The following CYP26A1 variants were observed in gnomAD, a reference collection of about 807,000 sequenced individuals.
CYP26A1 encodes the protein cytochrome P450 family 26 subfamily A member 1, also known as cytochrome P450 26A1.
In CYP26A1, 46 loss-of-function variants were observed where a neutral mutation model predicts 47.4. The ratio of observed to expected loss-of-function variants is 0.97; its 90% confidence interval spans 0.77 to 1.24. CYP26A1 has a LOEUF of 1.24. Among genes scored for constraint, CYP26A1 ranks in the 50% most tolerant of loss-of-function variants. CYP26A1 has a pLI of 0.00. For missense variants in CYP26A1, 680 were observed against 644.4 expected (o/e 1.06, Z -0.60); for synonymous variants, 277 against 263.7 (o/e 1.05, Z -0.49).
chr10:93,074,169 G>A lies in CYP26A1; in HGVS notation c.189+46G>A. On this transcript the variant is annotated intron_variant, in intron 1 of 6. Transcript: ENST00000224356. This position sits in a 1 kb window ranked among gnomAD's most constrained non-coding sequence, Gnocchi z 5.3. ...ACAGGCTGCTTCCCCGGAGCCCGGC[G>A]CGGCTCTGGGCTTCTGCTGAAGTCG... 6.6e-7 allele frequency: 1 copy of A among 1,520,174 alleles called. No individual in the cohort carries two copies. The highest frequency in any genetic ancestry group is 2.5e-5 in the East Asian group (1 of 40,554). The allele number at this position is 1,520,174 out of a possible 1,614,324, so 94.2% of individuals were successfully genotyped here. A position where few individuals can be genotyped will look rare whatever the true frequency, so the allele number is the denominator to read the frequency against.
At position 93,074,909 on chromosome 10, in the gene CYP26A1, A is replaced by G. The variant is rs1285678560; in HGVS notation, c.545A>G (p.Lys182Arg). ...GGCCTCCTGGTCTACCCCGAGGTGA[A>G]GCGCCTCATGTTCCGAATCGCCATG... is the stretch of plus-strand genomic sequence containing the variant. ...ERGLLVYPEV[K>R]RLMFRIAMRI... The change falls in exon 3 of 7, where the codon AAG becomes AGG. Residue 182 changes from lysine (K) to arginine (R), a missense_variant. Lys to Arg is a conservative substitution (Grantham distance 26). Coordinates refer to ENST00000224356, the MANE Select transcript of CYP26A1 (RefSeq NM_000783.4). The surrounding 1 kb of genome is among the most constrained non-coding windows in gnomAD (Gnocchi z 5.3). The G allele has an allele frequency of 1.2e-6, 2 of 1,613,066 alleles. No individual in the cohort carries two copies. The highest frequency in any genetic ancestry group is 1.7e-6 in the Non-Finnish European group (2 of 1,180,040).
chr10:93,076,262 G>A (rs1846975964), intron 5 of CYP26A1: 1 of 450,164 alleles, frequency 2.2e-6, no homozygotes, highest in African/African-American at 2.0e-5. Context: ...GGCATACATA[G>A]TGTGAATAGC....
rs754691610 is a variant in CYP26A1, at chr10:93,075,825, G to A, written c.865-1G>A. On this transcript the variant is annotated splice_acceptor_variant, in intron 4 of 6. Transcript: ENST00000224356. LOFTEE classifies it high-confidence loss of function. Reference sequence around the variant, plus strand: ...GAATGTGGGTCTCACTCTATTCTTAGGCACTAAAGCAATCTTCAACCGAAC... The same window carrying A: ...GAATGTGGGTCTCACTCTATTCTTAAGCACTAAAGCAATCTTCAACCGAAC... The A allele has an allele frequency of 1.2e-6, 2 of 1,611,132 alleles. No homozygotes were observed. The highest frequency in any genetic ancestry group is 2.2e-5 in the East Asian group (1 of 44,858).
chr10:93,075,768 A>G (rs1052706055), intron 4 of CYP26A1, 58 bp from the exon 5 acceptor site: 6 of 1,376,592 alleles, frequency 4.4e-6, no homozygotes, highest in South Asian at 1.2e-5. Context: ...ATTCTGAGTA[A>G]TCCTTCTGTC....
chr10:93,075,315 G>C lies in CYP26A1; in HGVS notation c.864+8G>C, dbSNP rs75053982. ...GAGCGGCTGGACATGCAGGTGAGTAGCAGCTTCAGACCAGGCACTGCGGAG... is the reference window on the plus strand; with the variant it reads ...GAGCGGCTGGACATGCAGGTGAGTACCAGCTTCAGACCAGGCACTGCGGAG... On this transcript the variant is annotated splice_region_variant and intron_variant, in intron 4 of 6. Coordinates refer to ENST00000224356, the MANE Select transcript of CYP26A1 (RefSeq NM_000783.4). 2.0e-5 allele frequency: 33 copies of C among 1,612,596 alleles called. No individual in the cohort carries two copies. The highest frequency in any genetic ancestry group is 2.7e-5 in the Non-Finnish European group (32 of 1,179,116).
upstream of CYP26A1, chr10:93,073,608 TC>T: frequency 2.9e-6 from 1 of 350,310 alleles, no homozygotes; most frequent in South Asian, 5.2e-5. Flanking sequence ...GTCCTGGCCC[TC>T]CCCCACCGCC....
In CYP26A1 at chr10:93,074,871, C is replaced by T; in HGVS notation, c.507C>T (p.Ser169=). The T allele has an allele frequency of 2.5e-6, 4 of 1,612,866 alleles. No homozygotes were observed. The South Asian group carries it at 3.3e-5, about 13-fold the overall frequency. Residue 169 remains serine (S), a synonymous_variant, in exon 3 of 7, where the codon AGC becomes AGT. Transcript: ENST00000224356. The surrounding 1 kb of genome is among the most constrained non-coding windows in gnomAD (Gnocchi z 5.3). ...EVGSSLEQWL[S]CGERGLLVYP... Reference sequence around the variant, plus strand: ...GCAGCAGCCTGGAGCAGTGGCTGAGCTGCGGCGAGCGCGGCCTCCTGGTCT... The same window carrying T: ...GCAGCAGCCTGGAGCAGTGGCTGAGTTGCGGCGAGCGCGGCCTCCTGGTCT...
In CYP26A1 at chr10:93,074,510, C is replaced by G. The variant is rs1417482730; in HGVS notation, c.392C>G (p.Ser131Cys). 6.2e-7 allele frequency: 1 copy of G among 1,606,690 alleles called. No individual in the cohort carries two copies. The highest frequency in any genetic ancestry group is 1.1e-5 in the South Asian group (1 of 90,946). ...GGCTGCCTCTCTAACCTGCACGACT[C>G]CTCGCACAAGCAGCGCAAGAAGGTG... ...GSGCLSNLHD[S>C]SHKQRKKVIM... Residue 131 changes from serine to cysteine, a missense_variant, in exon 2 of 7, where the codon TCC becomes TGC. Physicochemically the swap from Ser to Cys is moderately radical, Grantham distance 112. Transcript: ENST00000224356. This position sits in a 1 kb window ranked among gnomAD's most constrained non-coding sequence, Gnocchi z 5.3.
Position 93,075,024 on chromosome 10 carries a change from T to C in CYP26A1, c.660T>C (p.Asn220=). The C allele has an allele frequency of 6.2e-7, 1 of 1,613,050 alleles. No homozygotes were observed. Among genetic ancestry groups the C allele is most frequent in the Non-Finnish European group, 8.5e-7 (1 of 1,180,008 alleles). The change falls in exon 3 of 7, where the codon AAT becomes AAC. Residue 220 remains asparagine, a synonymous_variant. Transcript: ENST00000224356. ...AGGCCTTCGAGGAAATGACCCGCAA[T>C]CTCTTCTCGCTGCCCATCGACGTGC... is the stretch of plus-strand genomic sequence containing the variant. The part of the protein sequence containing the change: ...LVEAFEEMTR[N]LFSLPIDVPF...
rs1846994871 is a variant in CYP26A1 at position 93,077,651 on chromosome 10, A to G, written c.*347A>G. The G allele has an allele frequency of 6.2e-6, 1 of 160,056 alleles. No individual in the cohort carries two copies. Among genetic ancestry groups the G allele is most frequent in the African/African-American group, 2.4e-5 (1 of 41,758 alleles). The allele number at this position is 160,056 out of a possible 1,614,324, so 9.9% of individuals were successfully genotyped here. On this transcript the variant is annotated 3_prime_UTR_variant, in exon 7 of 7. Transcript: ENST00000224356. ...GAAATCTTAGCTGTTTTTTATGTTA[A>G]CAGTTATTAGAAAATATATGTCTGT...
chr10:93,074,127 A>T lies in CYP26A1; in HGVS notation c.189+4A>T, dbSNP rs1233040392. The T allele has an allele frequency of 3.7e-5, 16 of 428,436 alleles. No homozygotes were observed. Among genetic ancestry groups the T allele is most frequent in the Non-Finnish European group, 7.1e-5 (16 of 224,294 alleles). 26.5% of individuals were successfully genotyped at this position (428,436 alleles called of 1,614,324 possible). A position where few individuals can be genotyped will look rare whatever the true frequency, so the allele number is the denominator to read the frequency against. The stretch of plus-strand genomic sequence containing the variant: ...AACCTTGCAGATGGTACTGCAGGTA[A>T]GGGAGGGTGGGGCGGGACAGGCTGC... On this transcript the variant is annotated splice_donor_region_variant and intron_variant, in intron 1 of 6. Coordinates refer to ENST00000224356, the MANE Select transcript of CYP26A1 (RefSeq NM_000783.4). The surrounding 1 kb of genome is among the most constrained non-coding windows in gnomAD (Gnocchi z 5.3).
Position 93,074,576 on chromosome 10 carries a change from T to A in CYP26A1, c.414+44T>A. ...GGCTGGACAGGGAGGGGGACCCCAT[T>A]TATGAGCGGAATTCCGGCTGATGGA... is the stretch of plus-strand genomic sequence containing the variant. On this transcript the variant is annotated intron_variant, in intron 2 of 6. Transcript: ENST00000224356. The surrounding 1 kb of genome is among the most constrained non-coding windows in gnomAD (Gnocchi z 5.3). The A allele has an allele frequency of 7.7e-7, 1 of 1,304,838 alleles. No homozygotes were observed. The highest frequency in any genetic ancestry group is 1.2e-5 in the South Asian group (1 of 84,914). 80.8% of individuals were successfully genotyped at this position (1,304,838 alleles called of 1,614,324 possible).
intron 4 of CYP26A1, 75 bp downstream of exon 4, chr10:93,075,382 A>C (rs1284050348): frequency 1.4e-6 from 2 of 1,422,278 alleles, no homozygotes; most frequent in Admixed American, 3.9e-5. Flanking sequence ...TGGGGCCCCC[A>C]AAGCGCGCGC....
Position 93,074,156 on chromosome 10 carries a change from C to T in CYP26A1, c.189+33C>T. The T allele has an allele frequency of 6.5e-7, 1 of 1,526,852 alleles. No homozygotes were observed. 94.6% of individuals were successfully genotyped at this position (1,526,852 alleles called of 1,614,324 possible). A position where few individuals can be genotyped will look rare whatever the true frequency, so the allele number is the denominator to read the frequency against. ...AGGGTGGGGCGGGACAGGCTGCTTC[C>T]CCGGAGCCCGGCGCGGCTCTGGGCT... On this transcript the variant is annotated intron_variant, in intron 1 of 6. Transcript: ENST00000224356. The surrounding 1 kb of genome is among the most constrained non-coding windows in gnomAD (Gnocchi z 5.3).
intron 5 of CYP26A1, chr10:93,076,255 A>C (rs1227812801): frequency 8.4e-6 from 3 of 358,188 alleles, no homozygotes; most frequent in Non-Finnish European, 1.5e-5. Flanking sequence ...GTCCAAGGGC[A>C]TACATAGTGT....
Position 93,077,374 on chromosome 10 carries a change from A to T in CYP26A1, c.*70A>T. 1 of 703,604 alleles carries T rather than the reference A, an allele frequency of 1.4e-6. No homozygotes were observed. Among genetic ancestry groups the T allele is most frequent in the Non-Finnish European group, 2.1e-6 (1 of 467,348 alleles). 43.6% of individuals were successfully genotyped at this position (703,604 alleles called of 1,614,324 possible). On this transcript the variant is annotated 3_prime_UTR_variant, in exon 7 of 7. Coordinates refer to ENST00000224356, the MANE Select transcript of CYP26A1 (RefSeq NM_000783.4). ...TGAGTTTTTAAGGAGTGTTGTGTTGACTTTATATTTAATTTCTAAATGTAT... is the reference window on the plus strand; with the variant it reads ...TGAGTTTTTAAGGAGTGTTGTGTTGTCTTTATATTTAATTTCTAAATGTAT...
intron 5 of CYP26A1, among the ~76,000 whole-genome samples, 178 bp downstream of exon 5, chr10:93,076,138 G>A (rs1846974953): frequency 6.6e-6 from 1 of 152,224 alleles, no homozygotes; most frequent in Non-Finnish European, 1.5e-5. Context: ...GGAGTCTTGA[G>A]CTGTGAGCCC....
Position 93,073,927 on chromosome 10 carries a change from G to A in CYP26A1, c.-8G>A, listed in dbSNP as rs1239091265. The A allele has an allele frequency of 4.4e-6, 4 of 913,526 alleles. No individual in the cohort carries two copies. The highest frequency in any genetic ancestry group is 2.7e-5 in the South Asian group (2 of 74,224). 56.6% of individuals were successfully genotyped at this position (913,526 alleles called of 1,614,324 possible). ...GGCGGCAGGTGGCGCGGGAGGTCGC[G>A]GCGCGCCATGGGGCTCCCGGCGCTG... is the stretch of plus-strand genomic sequence containing the variant. On this transcript the variant is annotated 5_prime_UTR_variant, in exon 1 of 7. Coordinates refer to ENST00000224356, the MANE Select transcript of CYP26A1 (RefSeq NM_000783.4).
chr10:93,074,226 G>A lies in CYP26A1; in HGVS notation c.190-82G>A. On this transcript the variant is annotated intron_variant, in intron 1 of 6. Transcript: ENST00000224356. This position sits in a 1 kb window ranked among gnomAD's most constrained non-coding sequence, Gnocchi z 5.3. ...GCGCCCCCGGGAGGCATGCTATTGC[G>A]GCTAGGAGCAGGGCTGGCGGGAGCG... is the stretch of plus-strand genomic sequence containing the variant. The A allele has an allele frequency of 6.5e-7, 1 of 1,528,956 alleles. No homozygotes were observed. 94.7% of individuals were successfully genotyped at this position (1,528,956 alleles called of 1,614,324 possible).
Sources: allele counts gnomAD v4.1 joint callset (sites outside exome capture counted in the v4.1 genomes callset), GRCh38; gene constraint gnomAD v4.1.1; non-coding constraint Gnocchi (gnomAD v3.1); transcripts MANE v1.5; gene names NCBI Gene and HGNC (gene_info 2026-07-23, HGNC 2026-07-21).